The following CACNA1E variants were observed in gnomAD, a reference collection of about 807,000 sequenced individuals.
The protein encoded by CACNA1E is voltage-dependent R-type calcium channel subunit alpha-1E.
In CACNA1E, 40 loss-of-function variants were observed where a neutral mutation model predicts 259.2. The observed-to-expected ratio is 0.15, with a 90% CI of 0.12 to 0.20. The LOEUF (loss-of-function observed/expected upper bound fraction) is 0.20. CACNA1E is among the 10% of genes least tolerant of loss of function. CACNA1E has a pLI of 1.00. For synonymous variants in CACNA1E, 1,104 were observed against 1,138.5 expected (o/e 0.97, Z 0.61); for missense variants, 1,874 against 3,040.1 (o/e 0.62, Z 9.02).
At chr1:181,581,232 G>A (rs1651485310) in intron 6 of CACNA1E, among the ~76,000 whole-genome samples, 2 of 152,042 alleles carry the variant, frequency 1.3e-5, no homozygotes. Flanking sequence ...TATACCAACT[G>A]AGCTCCATCC....
In CACNA1E at chr1:181,732,955, G is replaced by C; in HGVS notation, c.2869G>C (p.Glu957Gln). The stretch of plus-strand genomic sequence containing the variant: ...GGATGAAGCCATGCCCACTGAAGGG[G>C]AGAAGGACCATGAGCTCAGGGGCAA... Reference protein sequence around the residue: ...SLDEAMPTEGEKDHELRGNHG... With the variant: ...SLDEAMPTEGQKDHELRGNHG... Residue 957 changes from glutamate (E) to glutamine (Q), a missense_variant, in exon 20 of 48, where the codon GAG becomes CAG. Around this residue, in one of 14 missense-constraint regions of CACNA1E, gnomAD observed 476 missense variants for 514.0 expected, o/e 0.93. Transcript: ENST00000367573. The surrounding 1 kb of genome is among the most constrained non-coding windows in gnomAD (Gnocchi z 5.5). 6.2e-7 allele frequency: 1 copy of C among 1,614,030 alleles called. No individual in the cohort carries two copies. The highest frequency in any genetic ancestry group is 1.1e-5 in the South Asian group (1 of 91,086).
At chr1:181,739,453 G>A (rs545979342) in intron 25 of CACNA1E, among the ~76,000 whole-genome samples, 200 bp downstream of exon 25, 36 of 152,286 alleles carry the variant, frequency 2.4e-4, no homozygotes, top group African/African-American at 8.2e-4. Flanking sequence ...TGGCAGAACG[G>A]GGGAAGCAGG....
intron 1 of CACNA1E, among the ~76,000 whole-genome samples, chr1:181,400,657 A>G (rs1657032049): frequency 6.6e-6 from 1 of 152,080 alleles, no homozygotes; most frequent in Non-Finnish European, 1.5e-5. Context: ...AAGACAGGAA[A>G]TCTTCAGAGA....
intron 25 of CACNA1E, among the ~76,000 whole-genome samples, chr1:181,746,951 G>T (rs1314172685): frequency 6.6e-6 from 1 of 152,128 alleles, no homozygotes; most frequent in Non-Finnish European, 1.5e-5. Flanking sequence ...ATAATATTTT[G>T]GTCCTATAAG....
At chr1:181,513,722 A>T (rs1666336098) in intron 3 of CACNA1E, among the ~76,000 whole-genome samples, 1 of 152,200 alleles carries the variant, frequency 6.6e-6, no homozygotes, top group Non-Finnish European at 1.5e-5. Flanking sequence ...AAGCAGATTC[A>T]TAGGGACCCA....
intron 1 of CACNA1E, among the ~76,000 whole-genome samples, chr1:181,373,809 A>AG (rs1654890572): frequency 6.6e-6 from 1 of 151,998 alleles, no homozygotes. Context: ...ACAGGCATGG[A>AG]CCACCGTGCC....
At chr1:181,549,548 T>C (rs1269130273) in intron 3 of CACNA1E, among the ~76,000 whole-genome samples, 1 of 152,216 alleles carries the variant, frequency 6.6e-6, no homozygotes, top group East Asian at 1.9e-4. Flanking sequence ...TTCATCTCTT[T>C]CCCTTATAAT....
chr1:181,753,431 G>A (rs1366639950), intron 27 of CACNA1E, among the ~76,000 whole-genome samples: 1 of 152,228 alleles, frequency 6.6e-6, no homozygotes, highest in East Asian at 1.9e-4. Flanking sequence ...TTGAGTGCGA[G>A]GCTCAGCTCT....
intron 1 of CACNA1E, among the ~76,000 whole-genome samples, chr1:181,398,200 A>C (rs1339542691): frequency 6.6e-6 from 1 of 152,238 alleles, no homozygotes; most frequent in Non-Finnish European, 1.5e-5. Context: ...GAGGAGGGGC[A>C]GTTTAATTTC....
rs1662314482 is a variant in CACNA1E, at chr1:181,802,048, A to G, written c.*3214A>G. On this transcript the variant is annotated 3_prime_UTR_variant, in exon 48 of 48. Transcript: ENST00000367573. ...TCTCTTTCTCTGTGTCTGTCTCCCC[A>G]TCTCCTAGAGGACAGAGTGCCAGCG... The G allele has an allele frequency of 6.6e-6, 1 of 152,208 alleles. No individual in the cohort carries two copies. The highest frequency in any genetic ancestry group is 1.5e-5 in the Non-Finnish European group (1 of 68,052). The allele number at this position is 152,208 out of a possible 1,614,324, so 9.4% of individuals were successfully genotyped here.
chr1:181,783,547 G>T, intron 39 of CACNA1E, 132 bp from the exon 40 acceptor site: 1 of 582,488 alleles, frequency 1.7e-6, no homozygotes. Flanking sequence ...AAGGACTGGG[G>T]CAGGGGATGG....
intron 1 of CACNA1E, among the ~76,000 whole-genome samples, chr1:181,332,367 A>G (rs1651351196): frequency 6.6e-6 from 1 of 152,198 alleles, no homozygotes; most frequent in Non-Finnish European, 1.5e-5. Flanking sequence ...TGTTACCCTG[A>G]GCTTAAAATA....
chr1:181,784,707 C>A lies in CACNA1E; in HGVS notation c.5517C>A (p.Thr1839=). The change falls in exon 41 of 48, where the codon ACC becomes ACA. Residue 1839 remains threonine (T), a synonymous_variant. Transcript: ENST00000367573. ...QQLDSELQKE[T]LAIWPHLSQK... is the part of the protein sequence containing the mutation. The stretch of plus-strand genomic sequence containing the variant: ...TAGACTCAGAGCTACAAAAGGAGAC[C>A]CTAGCCATCTGGCCTCACCTATCCC... 1 of 1,589,604 alleles carries A rather than the reference C, an allele frequency of 6.3e-7. No homozygotes were observed. The highest frequency in any genetic ancestry group is 8.6e-7 in the Non-Finnish European group (1 of 1,167,730).
At chr1:181,791,392 G>A (rs1661294747) in intron 44 of CACNA1E, among the ~76,000 whole-genome samples, 1 of 152,210 alleles carries the variant, frequency 6.6e-6, no homozygotes. Flanking sequence ...AGAATGGCAT[G>A]AACCTGGGAG....
intron 2 of CACNA1E, among the ~76,000 whole-genome samples, chr1:181,472,145 T>C (rs1218185275): frequency 1.4e-5 from 2 of 142,486 alleles, no homozygotes; most frequent in Non-Finnish European, 3.0e-5. Flanking sequence ...TTATGCTAAG[T>C]GAAATACACA....
intron 1 of CACNA1E, among the ~76,000 whole-genome samples, chr1:181,327,057 G>C (rs1650851387): frequency 6.6e-6 from 1 of 152,154 alleles, no homozygotes; most frequent in African/African-American, 2.4e-5. Flanking sequence ...TGCTCCTTAG[G>C]TAGTGTTGTA....
chr1:181,756,915 G>T lies in CACNA1E; in HGVS notation c.4128-10G>T. 1 of 1,599,690 alleles carries T rather than the reference G, an allele frequency of 6.3e-7. No individual in the cohort carries two copies. The highest frequency in any genetic ancestry group is 1.1e-5 in the South Asian group (1 of 90,758). ...TCCACCATCTGTGCCCTCTTGTTCT[G>T]TCCCCATAGAGTTCTGCAGCACTCT... On this transcript the variant is annotated splice_polypyrimidine_tract_variant and intron_variant, in intron 29 of 47. Transcript: ENST00000367573.
rs375316385 is a variant in CACNA1E, at chr1:181,433,843, A to G, written c.434+20263A>G. Among the ~76,000 whole-genome samples the G allele has an allele frequency of 1.8e-3, 269 of 152,346 alleles. 3 individuals carry two copies. The highest frequency in any genetic ancestry group is 6.1e-3 in the African/African-American group (253 of 41,574). On this transcript the variant is annotated intron_variant, in intron 2 of 11. Transcript: ENST00000524607. ...TGAGGTTCAGGGAGAGATTTTGATA[A>G]TATTATGTCACCATTAAGCTAGGGA... is the stretch of plus-strand genomic sequence containing the variant.
chr1:181,656,661 T>C (rs1268647625), intron 7 of CACNA1E, among the ~76,000 whole-genome samples: 2 of 152,216 alleles, frequency 1.3e-5, no homozygotes, highest in Non-Finnish European at 2.9e-5. Context: ...CATACAGTAA[T>C]GTCCTAGGCC....
Sources: allele counts gnomAD v4.1 joint callset (sites outside exome capture counted in the v4.1 genomes callset), GRCh38; gene constraint gnomAD v4.1.1; regional missense constraint gnomAD v4.1.1; non-coding constraint Gnocchi (gnomAD v3.1); transcripts MANE v1.5; gene names NCBI Gene and HGNC (gene_info 2026-07-23, HGNC 2026-07-21).